Variants in CHD2 observed in about 807,000 individuals in gnomAD.
CHD2 encodes ATP-dependent chromatin remodeler CHD2.
Under a neutral mutation model 243.9 loss-of-function variants are expected in CHD2, and 28 were observed. That is an observed-to-expected ratio of 0.11 (90% CI 0.09 to 0.16). The LOEUF (loss-of-function observed/expected upper bound fraction) is 0.16. Among genes scored for constraint, CHD2 ranks in the 10% least tolerant of loss-of-function variants. CHD2 has a pLI of 1.00. For missense variants in CHD2, 1,386 were observed against 2,209.8 expected (o/e 0.63, Z 7.47); for synonymous variants, 775 against 779.0 (o/e 0.99, Z 0.09).
intron 2 of CHD2, among the ~76,000 whole-genome samples, chr15:92,918,694 A>G (rs1391506048): frequency 6.6e-6 from 1 of 152,018 alleles, no homozygotes; most frequent in Admixed American, 6.6e-5. Context: ...TACTATTATA[A>G]TTATTAGGTA....
At chr15:92,943,961 C>G (rs961182262) in intron 9 of CHD2, 7 of 152,126 alleles carry the variant, frequency 4.6e-5, no homozygotes, top group Non-Finnish European at 7.3e-5. Flanking sequence ...TATAATAATT[C>G]TAATATTAAG....
chr15:93,004,953 G>A (rs950875737), intron 34 of CHD2, among the ~76,000 whole-genome samples: 7 of 152,160 alleles, frequency 4.6e-5, no homozygotes, highest in Non-Finnish European at 8.8e-5. Context: ...TTGAGGGGAA[G>A]TTTAAGGAGT....
chr15:92,944,538 C>T, intron 10 of CHD2, 23 bp downstream of exon 10: 4 of 1,257,974 alleles, frequency 3.2e-6, no homozygotes. Context: ...TAACTCACTT[C>T]AGCCATATTT....
chr15:93,013,985 A>G (rs1277576632), intron 36 of CHD2, among the ~76,000 whole-genome samples: 1 of 151,156 alleles, frequency 6.6e-6, no homozygotes, highest in Non-Finnish European at 1.5e-5. Flanking sequence ...TCAGTAGTTC[A>G]TGATATATCC....
chr15:92,923,483 C>T (rs2052998526), intron 2 of CHD2, among the ~76,000 whole-genome samples: 1 of 151,828 alleles, frequency 6.6e-6, no homozygotes, highest in Non-Finnish European at 1.5e-5. Flanking sequence ...TGGTCTTGAA[C>T]TCCTGGGCTC....
intron 37 of CHD2, among the ~76,000 whole-genome samples, chr15:93,016,892 A>G (rs906700332): frequency 6.6e-6 from 1 of 152,226 alleles, no homozygotes; most frequent in Admixed American, 6.5e-5. Context: ...CATTGTTTTA[A>G]AACAAAATGA....
chr15:93,002,212 A>T lies in CHD2; in HGVS notation c.4173A>T (p.Lys1391Asn), dbSNP rs373327827. 2.5e-6 allele frequency: 4 copies of T among 1,598,078 alleles called. No individual in the cohort carries two copies. The highest frequency in any genetic ancestry group is 3.6e-5 in the Admixed American group (2 of 55,842). ...TGGAAAAAAGTCCAATGAAAAAAAA[A>T]CAGAAGAAGAAAGAGAACAAGGAGA... ...DGLEKSPMKK[K>N]QKKKENKENK... The change falls in exon 33 of 39, where the codon AAA (lysine) becomes AAT (asparagine). Residue 1391 changes from lysine to asparagine, a missense_variant. This residue lies in a region of CHD2 where 125 missense variants were observed against 128.9 expected (regional missense o/e 0.97). Coordinates refer to ENST00000394196, the MANE Select transcript of CHD2 (RefSeq NM_001271.4).
intron 10 of CHD2, chr15:92,944,808 G>A (rs2053435541): frequency 5.5e-6 from 1 of 180,702 alleles, no homozygotes; most frequent in East Asian, 1.3e-4. Flanking sequence ...GAGACCAAGA[G>A]CTTAGTTTGA....
Position 92,943,036 on chromosome 15 carries a change from C to T in CHD2, c.1020C>T (p.Asn340=). The T allele has an allele frequency of 6.2e-7, 1 of 1,613,706 alleles. No individual in the cohort carries two copies. The highest frequency in any genetic ancestry group is 1.1e-5 in the South Asian group (1 of 91,066). ...QKVKGLKKLE[N]FKKKEDEIKQ... is the part of the protein sequence containing the mutation. ...TGAAGGGCCTAAAAAAACTAGAGAA[C>T]TTCAAGAAAAAAGAGGACGAAATCA... Residue 340 remains asparagine (N), a synonymous_variant, in exon 9 of 39, where the codon AAC becomes AAT. Transcript: ENST00000394196.
At chr15:92,956,803 C>A (rs2053621966) in intron 16 of CHD2, among the ~76,000 whole-genome samples, 154 bp downstream of exon 16, 1 of 152,168 alleles carries the variant, frequency 6.6e-6, no homozygotes. Flanking sequence ...TAAAATGTTT[C>A]ATAATCAATG....
Position 93,020,093 on chromosome 15 carries a change from A to G in CHD2, c.4988A>G (p.His1663Arg). The change falls in exon 38 of 39, where the codon CAT becomes CGT. Residue 1663 changes from histidine (H) to arginine (R), a missense_variant. Around this residue, in one of 19 missense-constraint regions of CHD2, gnomAD observed 347 missense variants for 341.6 expected, o/e 1.02. Transcript: ENST00000394196. ...NNPPWGSDRHHQYEQHWYKDH... is the reference protein window; with the variant it reads ...NNPPWGSDRHRQYEQHWYKDH... ...CCACCATGGGGAAGCGACAGGCACC[A>G]TCAGTATGAGCAGCACTGGTACAAG... 6.2e-7 allele frequency: 1 copy of G among 1,614,212 alleles called. No individual in the cohort carries two copies.
intron 5 of CHD2, among the ~76,000 whole-genome samples, chr15:92,932,796 C>T (rs891855083): frequency 7.2e-5 from 11 of 151,868 alleles, no homozygotes; most frequent in East Asian, 5.8e-4. Context: ...CTCGCTCTGT[C>T]GCCCAGGCTG....
chr15:92,901,321 C>A (rs1273941287), intron 2 of CHD2, 22 bp downstream of exon 2: 2 of 1,538,218 alleles, frequency 1.3e-6, no homozygotes, highest in South Asian at 2.3e-5. Flanking sequence ...CAACTTTCTT[C>A]CTTTTTGTCT....
intron 13 of CHD2, among the ~76,000 whole-genome samples, chr15:92,951,087 C>G (rs1179370700): frequency 6.6e-6 from 1 of 152,162 alleles, no homozygotes; most frequent in Non-Finnish European, 1.5e-5. Flanking sequence ...TAATTGAAGA[C>G]TCTTAGGAAC....
intron 21 of CHD2, 38 bp downstream of exon 21, chr15:92,978,421 T>A: frequency 6.3e-7 from 1 of 1,595,248 alleles, no homozygotes; most frequent in Non-Finnish European, 8.6e-7. Flanking sequence ...GCTTTAGGGT[T>A]GGGGGCCAGG....
chr15:92,950,966 A>T (rs539838826), intron 13 of CHD2, among the ~76,000 whole-genome samples: 1 of 152,250 alleles, frequency 6.6e-6, no homozygotes, highest in South Asian at 2.1e-4. Flanking sequence ...AATGATTCTG[A>T]ATTGCTTAAA....
intron 2 of CHD2, among the ~76,000 whole-genome samples, chr15:92,903,301 G>GC (rs1327480078): frequency 1.3e-5 from 2 of 152,080 alleles, no homozygotes; most frequent in Non-Finnish European, 2.9e-5. Flanking sequence ...AGTTTTTATT[G>GC]CCCAAAGTAT....
rs144093014 is a variant in CHD2, at chr15:92,955,491, T to C, written c.1788T>C (p.Tyr596=). The C allele has an allele frequency of 7.6e-3, 12,069 of 1,592,496 alleles. 63 individuals are homozygous for C. The highest frequency in any genetic ancestry group is 8.5e-3 in the Non-Finnish European group (9,976 of 1,171,314). Reference sequence around the variant, plus strand: ...AGTTCAACGCACTTATAACAACATATGAGATCCTCTTGAAAGATAAGGTGT... The same window carrying C: ...AGTTCAACGCACTTATAACAACATACGAGATCCTCTTGAAAGATAAGGTGT... ...RLKFNALITT[Y]EILLKDKTVL... The change falls in exon 15 of 39, where the codon TAT becomes TAC. Residue 596 remains tyrosine (Y), a synonymous_variant. Transcript: ENST00000394196.
chr15:92,975,788 A>G (rs183686864), intron 20 of CHD2, among the ~76,000 whole-genome samples: 144 of 152,210 alleles, frequency 9.5e-4, no homozygotes, highest in African/African-American at 3.3e-3. Context: ...TAGAAATCCT[A>G]GTTAGACTAG....
Sources: allele counts gnomAD v4.1 joint callset (sites outside exome capture counted in the v4.1 genomes callset), GRCh38; gene constraint gnomAD v4.1.1; regional missense constraint gnomAD v4.1.1; transcripts MANE v1.5; gene names NCBI Gene and HGNC (gene_info 2026-07-23, HGNC 2026-07-21).